The following ADAMTS7 variants were observed in gnomAD, a reference collection of about 807,000 sequenced individuals.
ADAMTS7 encodes A disintegrin and metalloproteinase with thrombospondin motifs 7.
In ADAMTS7, 89 loss-of-function variants were observed where a neutral mutation model predicts 172.6. The observed-to-expected ratio is 0.52, with a 90% CI of 0.43 to 0.61. The LOEUF (loss-of-function observed/expected upper bound fraction) is 0.61, where lower values mean the gene tolerates loss of function less well. ADAMTS7 is among the 20% of genes least tolerant of loss of function. The probability of loss-of-function intolerance (pLI) is 0.00; values close to 1 mark genes in which losing one functional copy is unlikely to be tolerated. For missense variants in ADAMTS7, 1,973 were observed against 2,355.6 expected, an observed-to-expected ratio of 0.84 and a Z score of 3.36; for synonymous variants, 885 against 978.4, an observed-to-expected ratio of 0.90 and a Z score of 1.78.
intron 4 of ADAMTS7, among the ~76,000 whole-genome samples, chr15:78,795,607 A>G (rs1226973234): frequency 6.6e-6 from 1 of 152,212 alleles, no homozygotes; most frequent in Non-Finnish European, 1.5e-5. Context: ...AAGCAGCAGC[A>G]TAGGATCCTG....
chr15:78,810,842 A>C, intron 1 of ADAMTS7: 2 of 297,002 alleles, frequency 6.7e-6, no homozygotes, highest in Non-Finnish European at 1.2e-5. Context: ...GAGGTGGGGA[A>C]ACCGGAGCCC....
chr15:78,787,942 C>T (rs1353921690), intron 8 of ADAMTS7, among the ~76,000 whole-genome samples: 3 of 152,138 alleles, frequency 2.0e-5, no homozygotes, highest in Admixed American at 2.0e-4. Flanking sequence ...ATTCTTCTCC[C>T]TTCTGCACAT....
Position 78,766,837 on chromosome 15 carries a change from T to C in ADAMTS7, c.3074A>G (p.His1025Arg). The part of the protein sequence containing the change: ...LFNEADFIPH[H>R]LAPRPSPASS... ...GGCGGGTGAAGGGCGTGGGGCCAGG[T>C]GGTGCGGGATGAAGTCAGCCTCGTT... Residue 1025 changes from histidine to arginine, a missense_variant, in exon 19 of 24, where the codon CAC becomes CGC. Coordinates refer to ENST00000388820, the MANE Select transcript of ADAMTS7 (RefSeq NM_014272.5). The C allele has an allele frequency of 3.1e-6, 5 of 1,609,164 alleles. No homozygotes were observed. The highest frequency in any genetic ancestry group is 4.2e-6 in the Non-Finnish European group (5 of 1,179,350).
In ADAMTS7 at chr15:78,762,383, C is replaced by T. The variant is rs1211529987; in HGVS notation, c.4903+20G>A. 3.5e-6 allele frequency: 5 copies of T among 1,415,596 alleles called. No individual in the cohort carries two copies. The highest frequency in any genetic ancestry group is 4.6e-6 in the Non-Finnish European group (5 of 1,076,930). 87.7% of individuals were successfully genotyped at this position (1,415,596 alleles called of 1,614,324 possible). ...CACCCCACCTCACTTCAGCAGGGAG[C>T]CTGGGGTCAGGGGACTCACGGGGAG... On this transcript the variant is annotated intron_variant, in intron 23 of 23. Coordinates refer to ENST00000388820, the MANE Select transcript of ADAMTS7 (RefSeq NM_014272.5).
At position 78,764,116 on chromosome 15, in the gene ADAMTS7, G is replaced by T. The variant is rs200826200; in HGVS notation, c.4420-17C>A. ...GCGGGAGCACTGGGGACCGAGAGAC[G>T]TGTATGGACACATCCCCATGTGCAG... On this transcript the variant is annotated splice_polypyrimidine_tract_variant and intron_variant, in intron 20 of 23. Coordinates refer to ENST00000388820, the MANE Select transcript of ADAMTS7 (RefSeq NM_014272.5). 2.0e-6 allele frequency: 3 copies of T among 1,509,096 alleles called. No homozygotes were observed. The highest frequency in any genetic ancestry group is 2.1e-5 in the Admixed American group (1 of 46,952). The allele number at this position is 1,509,096 out of a possible 1,614,324, so 93.5% of individuals were successfully genotyped here. A position where few individuals can be genotyped will look rare whatever the true frequency, so the allele number is the denominator to read the frequency against.
chr15:78,775,603 G>A (rs868829787), intron 11 of ADAMTS7, among the ~76,000 whole-genome samples: 66 of 151,914 alleles, frequency 4.3e-4, no homozygotes, highest in African/African-American at 1.4e-3. Flanking sequence ...AGGTGAAGTC[G>A]CTCACGTCAG....
intron 8 of ADAMTS7, 71 bp downstream of exon 8, chr15:78,788,160 T>C: frequency 6.3e-7 from 1 of 1,579,324 alleles, no homozygotes; most frequent in Admixed American, 1.7e-5. Context: ...GCAGTATGAC[T>C]GTCTGCATCT....
chr15:78,786,467 C>T (rs928619472), intron 8 of ADAMTS7, among the ~76,000 whole-genome samples: 1 of 152,186 alleles, frequency 6.6e-6, no homozygotes, highest in Admixed American at 6.5e-5. Flanking sequence ...GGCCCAGAGG[C>T]TGCATTTTCC....
At chr15:78,768,725 C>T (rs375302620) in intron 16 of ADAMTS7, among the ~76,000 whole-genome samples, 148 of 152,356 alleles carry the variant, frequency 9.7e-4, no homozygotes, top group African/African-American at 3.5e-3. Flanking sequence ...TGTTAGCATG[C>T]AAACCCAGCC....
chr15:78,791,447 G>A (rs1189830937), intron 4 of ADAMTS7, among the ~76,000 whole-genome samples: 3 of 152,214 alleles, frequency 2.0e-5, no homozygotes, highest in Non-Finnish European at 4.4e-5. Flanking sequence ...GGCAGCAGCA[G>A]AACCTGGAGA....
In ADAMTS7 at chr15:78,771,752, G is replaced by C. The variant is rs751389131; in HGVS notation, c.2209C>G (p.Leu737Val). 4.3e-6 allele frequency: 7 copies of C among 1,612,258 alleles called. No individual in the cohort carries two copies. The highest frequency in any genetic ancestry group is 5.9e-6 in the Non-Finnish European group (7 of 1,180,016). Residue 737 changes from leucine to valine, a missense_variant, in exon 15 of 24, where the codon CTG becomes GTG. Coordinates refer to ENST00000388820, the MANE Select transcript of ADAMTS7 (RefSeq NM_014272.5). The surrounding 1 kb of genome is among the most constrained non-coding windows in gnomAD (Gnocchi z 4.9). ...TCCGGGTCCTCGCTCCGCAGTGCCA[G>C]GAAGTTGGCAGCCTCGGCAACCTCT... ...IQEVAEAANF[L>V]ALRSEDPEKY...
At chr15:78,795,443 G>A (rs931445753) in intron 4 of ADAMTS7, among the ~76,000 whole-genome samples, 2 of 152,208 alleles carry the variant, frequency 1.3e-5, no homozygotes, top group Admixed American at 6.5e-5. Context: ...TAGTGGGGAC[G>A]TGGTGGCCAG....
intron 1 of ADAMTS7, chr15:78,810,427 AAG>A (rs2055849646): frequency 6.6e-6 from 1 of 152,216 alleles, no homozygotes; most frequent in Non-Finnish European, 1.5e-5. Context: ...GCCGCCAAAC[AAG>A]AGTCTGGACG....
At chr15:78,782,188 G>A (rs368257090) in intron 8 of ADAMTS7, among the ~76,000 whole-genome samples, 5 of 151,948 alleles carry the variant, frequency 3.3e-5, no homozygotes, top group East Asian at 1.9e-4. Flanking sequence ...GCACCACCAC[G>A]CCCAGCTAAT....
intron 3 of ADAMTS7, 142 bp downstream of exon 3, chr15:78,797,806 A>T (rs2055665602): frequency 2.1e-6 from 2 of 965,518 alleles, no homozygotes; most frequent in African/African-American, 3.5e-5. Flanking sequence ...GGCACAGGCT[A>T]TGGTAAAGTA....
At chr15:78,807,628 GA>G (rs1255840478) in intron 1 of ADAMTS7, among the ~76,000 whole-genome samples, 2 of 152,214 alleles carry the variant, frequency 1.3e-5, no homozygotes, top group African/African-American at 4.8e-5. Flanking sequence ...GTAAAATGGG[GA>G]TGATAATAAT....
At chr15:78,767,098 C>T in intron 18 of ADAMTS7, 47 bp from the exon 19 acceptor site, 1 of 1,509,866 alleles carries the variant, frequency 6.6e-7, no homozygotes, top group Non-Finnish European at 8.9e-7. Context: ...AGGCAGGCTG[C>T]CAGGGGACGC....
At chr15:78,791,763 C>CTATT (rs2055584432) in intron 4 of ADAMTS7, among the ~76,000 whole-genome samples, 2 of 152,170 alleles carry the variant, frequency 1.3e-5, no homozygotes, top group Non-Finnish European at 2.9e-5. Context: ...ATGGAGCCTG[C>CTATT]CCACTGCTCT....
chr15:78,809,135 T>G (rs915003123), intron 1 of ADAMTS7, among the ~76,000 whole-genome samples: 2 of 152,110 alleles, frequency 1.3e-5, no homozygotes, highest in Admixed American at 1.3e-4. Flanking sequence ...ACATGTGCCA[T>G]ACGGCATGAG....
Sources: gnomAD v4.1 joint callset for allele counts (sites outside exome capture counted in the v4.1 genomes callset) on GRCh38, gnomAD v4.1.1 for gene constraint, Gnocchi (gnomAD v3.1) non-coding constraint, MANE v1.5 for transcripts, NCBI Gene and HGNC (gene_info 2026-07-23, HGNC 2026-07-21) for gene names.